Variants in ADAMTSL1 observed in about 807,000 individuals in gnomAD.
ADAMTSL1 encodes ADAMTS-like protein 1.
ADAMTSL1 carries 126 observed loss-of-function variants against 201.8 expected under a neutral mutation model. That is an observed-to-expected ratio of 0.62 (90% CI 0.54 to 0.72). ADAMTSL1 has a LOEUF of 0.72. ADAMTSL1 is among the 30% of genes least tolerant of loss of function. The probability of loss-of-function intolerance (pLI) is 0.00; values close to 1 mark genes in which losing one functional copy is unlikely to be tolerated. For synonymous variants in ADAMTSL1, 1,121 were observed against 903.4 expected, an observed-to-expected ratio of 1.24 and a Z score of -4.32; for missense variants, 2,679 against 2,277.8, an observed-to-expected ratio of 1.18 and a Z score of -3.59.
chr9:18,866,038 G>T (rs1002597737), intron 23 of ADAMTSL1, among the ~76,000 whole-genome samples: 8 of 145,612 alleles, frequency 5.5e-5, no homozygotes, highest in Non-Finnish European at 1.0e-4. Context: ...CCTCTCAAAG[G>T]TGTGGAATAC....
rs1258678381 is a variant in ADAMTSL1, at chr9:18,453,260, A to G, written c.208-51569A>G. Among the ~76,000 whole-genome samples, 3 of 152,154 alleles carry G rather than the reference A, an allele frequency of 2.0e-5. No individual in the cohort carries two copies. The East Asian group carries it at 5.8e-4, about 29-fold the overall frequency. ...AATGCAGAGAGCAGAGACCCAAGGTAGCTCTGGGTGACAAGCCTGTGGAGG... is the reference window on the plus strand; with the variant it reads ...AATGCAGAGAGCAGAGACCCAAGGTGGCTCTGGGTGACAAGCCTGTGGAGG... On this transcript the variant is annotated intron_variant, in intron 2 of 29. Transcript: ENST00000680146.
intron 1 of ADAMTSL1, among the ~76,000 whole-genome samples, chr9:17,995,984 C>G (rs1819362247): frequency 6.6e-6 from 1 of 151,920 alleles, no homozygotes; most frequent in Non-Finnish European, 1.5e-5. Context: ...GTAATCTAAG[C>G]TCCTTAGAAT....
chr9:18,158,062 T>G (rs1383259907), intron 1 of ADAMTSL1, among the ~76,000 whole-genome samples: 1 of 151,952 alleles, frequency 6.6e-6, no homozygotes, highest in African/African-American at 2.4e-5. Flanking sequence ...CCTTTCAACA[T>G]TGAAAGCAGT....
chr9:18,118,775 C>G (rs181652326), intron 1 of ADAMTSL1, among the ~76,000 whole-genome samples: 45 of 152,268 alleles, frequency 3.0e-4, no homozygotes, highest in African/African-American at 5.3e-4. Flanking sequence ...TGCTTATAAA[C>G]TCCTCTAAAC....
At chr9:18,240,641 T>A (rs1023882660) in intron 2 of ADAMTSL1, among the ~76,000 whole-genome samples, 4 of 152,184 alleles carry the variant, frequency 2.6e-5, no homozygotes, top group Admixed American at 2.6e-4. Context: ...TCTTTCAGTA[T>A]AAGATATCAT....
rs146841323 is a variant in ADAMTSL1 at position 18,856,992 on chromosome 9, T to C, written c.4249+27015T>C. Among the ~76,000 whole-genome samples the C allele has an allele frequency of 7.2e-5, 11 of 152,308 alleles. No homozygotes were observed. In the East Asian group the frequency reaches 2.1e-3, roughly 29 times the overall value. On this transcript the variant is annotated intron_variant, in intron 23 of 28. Transcript: ENST00000380548. ...TCGGCAATTTCACCTTGGATGCTCA[T>C]GTTTATCACTTTCCCGGTCCTCCAA...
chr9:18,068,437 G>T lies in ADAMTSL1; in HGVS notation c.88-95425G>T, dbSNP rs527768418. 5.3e-5 allele frequency among the ~76,000 whole-genome samples: 8 copies of T among 152,270 alleles called. 1 individual carries two copies. In the South Asian group the frequency reaches 1.5e-3, roughly 28 times the overall value. ...TCATTTAATGTTTACAAGAAGGTCT[G>T]TGTAGGCCATATGCAAATACTAGAC... On this transcript the variant is annotated intron_variant, in intron 1 of 29. Transcript: ENST00000680146.
chr9:18,251,373 A>G (rs1359117907), intron 2 of ADAMTSL1, among the ~76,000 whole-genome samples: 1 of 152,188 alleles, frequency 6.6e-6, no homozygotes, highest in East Asian at 1.9e-4. Flanking sequence ...TCGAGTCCTG[A>G]AAGAAGCATT....
intron 3 of ADAMTSL1, among the ~76,000 whole-genome samples, chr9:18,541,688 C>T (rs185225211): frequency 1.6e-3 from 246 of 152,226 alleles, no homozygotes; most frequent in African/African-American, 5.6e-3. Flanking sequence ...CTTTCAAACG[C>T]GTTTATTAAC....
chr9:18,255,182 GT>G (rs1831632744), intron 2 of ADAMTSL1, among the ~76,000 whole-genome samples: 1 of 152,164 alleles, frequency 6.6e-6, no homozygotes, highest in Non-Finnish European at 1.5e-5. Flanking sequence ...TGTCCTGGCT[GT>G]CAAGGGATGA....
intron 14 of ADAMTSL1, among the ~76,000 whole-genome samples, chr9:18,709,811 C>T (rs555294695): frequency 4.6e-5 from 7 of 152,272 alleles, no homozygotes; most frequent in African/African-American, 1.4e-4. Context: ...GTAAAATCCA[C>T]GTTAAAATCT....
At chr9:18,878,097 G>A (rs549636986) in intron 23 of ADAMTSL1, among the ~76,000 whole-genome samples, 5 of 152,290 alleles carry the variant, frequency 3.3e-5, no homozygotes, top group Admixed American at 6.5e-5. Context: ...CATGCAGCCC[G>A]AAAGGCCAGT....
At chr9:18,163,339 C>A (rs1477989764) in intron 1 of ADAMTSL1, among the ~76,000 whole-genome samples, 1 of 152,018 alleles carries the variant, frequency 6.6e-6, no homozygotes, top group South Asian at 2.1e-4. Context: ...TGAAAGTTCT[C>A]CAATACCTCC....
At chr9:18,473,259 CCTTT>C (rs1821289960), upstream of ADAMTSL1, among the ~76,000 whole-genome samples, 1 of 152,160 alleles carries the variant, frequency 6.6e-6, no homozygotes, top group African/African-American at 2.4e-5. Context: ...TTTAATTCAT[CCTTT>C]CTTTCTCTCC....
chr9:18,556,784 GT>G (rs374814308), intron 3 of ADAMTSL1, among the ~76,000 whole-genome samples: 55 of 152,106 alleles, frequency 3.6e-4, no homozygotes, highest in African/African-American at 1.3e-3. Flanking sequence ...AGACTCATAT[GT>G]TAAGCCATTC....
intron 21 of ADAMTSL1, among the ~76,000 whole-genome samples, chr9:18,824,175 C>T (rs981522989): frequency 8.7e-6 from 1 of 115,264 alleles, no homozygotes; most frequent in African/African-American, 3.0e-5. Flanking sequence ...TCCTAAATGC[C>T]GTGGATTTTT....
chr9:17,940,186 A>C (rs1463982217), intron 1 of ADAMTSL1, among the ~76,000 whole-genome samples: 1 of 152,084 alleles, frequency 6.6e-6, no homozygotes, highest in African/African-American at 2.4e-5. Flanking sequence ...TTTTGTTTGC[A>C]TGTGTGTTTG....
At position 18,908,604 on chromosome 9, in the gene ADAMTSL1, C is replaced by G; in HGVS notation, c.*56C>G. Reference sequence around the variant, plus strand: ...GCCACACGAAGGACTCACGCAACCACCTCGGACAGAACCTAAGCTTTCTTC... The same window carrying G: ...GCCACACGAAGGACTCACGCAACCAGCTCGGACAGAACCTAAGCTTTCTTC... On this transcript the variant is annotated 3_prime_UTR_variant, in exon 29 of 29. Transcript: ENST00000380548. 5.9e-6 allele frequency: 8 copies of G among 1,360,382 alleles called. No homozygotes were observed. The highest frequency in any genetic ancestry group is 7.1e-6 in the Non-Finnish European group (7 of 982,490). The allele number at this position is 1,360,382 out of a possible 1,614,324, so 84.3% of individuals were successfully genotyped here. A position where few individuals can be genotyped will look rare whatever the true frequency, so the allele number is the denominator to read the frequency against.
chr9:18,608,190 G>T (rs148629297), intron 4 of ADAMTSL1, among the ~76,000 whole-genome samples: 1 of 152,298 alleles, frequency 6.6e-6, no homozygotes, highest in East Asian at 1.9e-4. Flanking sequence ...GGGATTTGAA[G>T]ATAGCATATA....
Sources: gnomAD v4.1 joint callset for allele counts (sites outside exome capture counted in the v4.1 genomes callset) on GRCh38, gnomAD v4.1.1 for gene constraint, MANE v1.5 for transcripts, NCBI Gene and HGNC (gene_info 2026-07-23, HGNC 2026-07-21) for gene names.